COBLL1: variants seen among roughly 807,000 people sequenced by gnomAD.
COBLL1 encodes cordon-bleu protein-like 1.
A neutral mutation model predicts 94.8 loss-of-function variants in COBLL1; 50 were observed. The observed-to-expected ratio is 0.53, with a 90% CI of 0.42 to 0.67. The LOEUF is 0.67. Among genes scored for constraint, COBLL1 ranks in the 30% least tolerant of loss-of-function variants. The probability of loss-of-function intolerance (pLI) is 0.00; values close to 1 mark genes in which losing one functional copy is unlikely to be tolerated. For synonymous variants in COBLL1, 448 were observed against 473.8 expected (o/e 0.95, Z 0.71); for missense variants, 1,362 against 1,348.7 (o/e 1.01, Z -0.15).
chr2:164,721,908 C>T, intron 7 of COBLL1, 167 bp downstream of exon 7: 1 of 481,960 alleles, frequency 2.1e-6, no homozygotes, highest in East Asian at 3.2e-5. Flanking sequence ...TAGTACCAAT[C>T]TTAGAATGAG....
chr2:164,786,196 G>A (rs1480558963), intron 2 of COBLL1, among the ~76,000 whole-genome samples: 1 of 152,088 alleles, frequency 6.6e-6, no homozygotes, highest in African/African-American at 2.4e-5. Flanking sequence ...ACTCTGTTTG[G>A]AGTCTTTTCT....
intron 2 of COBLL1, among the ~76,000 whole-genome samples, chr2:164,797,518 C>A (rs1415164556): frequency 6.6e-6 from 1 of 152,100 alleles, no homozygotes; most frequent in Non-Finnish European, 1.5e-5. Flanking sequence ...AATATATCCA[C>A]CATTTTAATG....
At chr2:164,774,165 T>C (rs1451326101) in intron 2 of COBLL1, among the ~76,000 whole-genome samples, 1 of 152,120 alleles carries the variant, frequency 6.6e-6, no homozygotes, top group Non-Finnish European at 1.5e-5. Flanking sequence ...GATGATAGTT[T>C]GAAGAAAGCT....
At chr2:164,703,119 T>C (rs1425458781) in intron 9 of COBLL1, 8 of 1,611,934 alleles carry the variant, frequency 5.0e-6, no homozygotes, top group Non-Finnish European at 5.1e-6. Flanking sequence ...AATGATGTTA[T>C]GGCTGCCTCA....
At chr2:164,758,668 T>G (rs1687531707) in intron 2 of COBLL1, among the ~76,000 whole-genome samples, 1 of 152,074 alleles carries the variant, frequency 6.6e-6, no homozygotes. Context: ...ACAATTAAAT[T>G]TTTTTTAATG....
intron 2 of COBLL1, among the ~76,000 whole-genome samples, chr2:164,807,591 C>T (rs2105333258): frequency 6.6e-6 from 1 of 152,078 alleles, no homozygotes; most frequent in Admixed American, 6.5e-5. Context: ...TTCTCATTTT[C>T]CACTTTGATA....
chr2:164,749,564 G>A (rs137918852), intron 2 of COBLL1, among the ~76,000 whole-genome samples: 11 of 152,246 alleles, frequency 7.2e-5, no homozygotes, highest in African/African-American at 1.9e-4. Context: ...CGATTTCTCA[G>A]TTTCTCTGTC....
chr2:164,710,291 G>C (rs1010995311), intron 7 of COBLL1, among the ~76,000 whole-genome samples: 1 of 152,058 alleles, frequency 6.6e-6, no homozygotes, highest in Non-Finnish European at 1.5e-5. Flanking sequence ...GAAAAGAAGG[G>C]ACATTTAAGT....
chr2:164,809,216 G>T (rs1684339898), intron 2 of COBLL1, among the ~76,000 whole-genome samples: 1 of 152,034 alleles, frequency 6.6e-6, no homozygotes, highest in Admixed American at 6.5e-5. Flanking sequence ...ACAGTTGAAA[G>T]ATATGTGCAG....
At chr2:164,759,540 A>G (rs1687579604) in intron 2 of COBLL1, among the ~76,000 whole-genome samples, 1 of 152,152 alleles carries the variant, frequency 6.6e-6, no homozygotes, top group African/African-American at 2.4e-5. Context: ...TAGATTTAGT[A>G]TACATATATG....
Position 164,717,564 on chromosome 2 carries a change from A to G in COBLL1, c.996+4511T>C, listed in dbSNP as rs537587371. ...TTTTACTATTTTAAAATTCATTATTATTTTTTAAAGACACAGTCTCACCCT... is the reference window on the plus strand; with the variant it reads ...TTTTACTATTTTAAAATTCATTATTGTTTTTTAAAGACACAGTCTCACCCT... On this transcript the variant is annotated intron_variant, in intron 7 of 13. Coordinates refer to ENST00000652658, the MANE Select transcript of COBLL1 (RefSeq NM_001365672.2). 1.3e-3 allele frequency among the ~76,000 whole-genome samples: 197 copies of G among 152,186 alleles called. 1 individual carries two copies. The highest frequency in any genetic ancestry group is 4.5e-3 in the African/African-American group (185 of 41,520).
At chr2:164,799,876 T>A (rs2105315841) in intron 2 of COBLL1, among the ~76,000 whole-genome samples, 1 of 152,290 alleles carries the variant, frequency 6.6e-6, no homozygotes, top group East Asian at 1.9e-4. Flanking sequence ...AATAGTGGAA[T>A]AATTGGACTG....
At chr2:164,744,976 G>C (rs1489259616) in intron 2 of COBLL1, among the ~76,000 whole-genome samples, 1 of 152,066 alleles carries the variant, frequency 6.6e-6, no homozygotes, top group Non-Finnish European at 1.5e-5. Context: ...AAAACACTGT[G>C]AATTAAAGTT....
In COBLL1 at chr2:164,743,731, C is replaced by T. The variant is rs144073594; in HGVS notation, c.186G>A (p.Val62=). The change falls in exon 3 of 14, where the codon GTG becomes GTA. Residue 62 remains valine (V), a synonymous_variant. Transcript: ENST00000652658. ...ATTTGATAATATCCCCAGGTAGGAC[C>T]ACTGAGAGTTCAACGTCTTTATCTA... ...NMIDKDVELS[V]VLPGDIIKST... The T allele has an allele frequency of 1.9e-4, 299 of 1,613,590 alleles. 1 individual carries two copies. The African/African-American group carries it at 3.8e-3, about 21-fold the overall frequency.
intron 2 of COBLL1, among the ~76,000 whole-genome samples, chr2:164,779,101 G>C (rs975120097): frequency 6.6e-6 from 1 of 151,110 alleles, no homozygotes; most frequent in South Asian, 2.1e-4. Flanking sequence ...TCAATTGCTT[G>C]TTGTTGTTGT....
At chr2:164,765,481 A>C (rs1441216268) in intron 2 of COBLL1, among the ~76,000 whole-genome samples, 3 of 152,204 alleles carry the variant, frequency 2.0e-5, no homozygotes, top group Admixed American at 1.3e-4. Context: ...CTAATGCCAT[A>C]AAAGGTATTT....
intron 11 of COBLL1, 165 bp from the exon 12 acceptor site, chr2:164,696,001 C>T (rs1285339829): frequency 5.1e-6 from 3 of 590,004 alleles, no homozygotes; most frequent in Admixed American, 3.5e-5. Context: ...GAAAACAGTA[C>T]GTGCTTTGGA....
Position 164,694,280 on chromosome 2 carries a change from C to T in COBLL1, c.3112G>A (p.Val1038Met). The stretch of plus-strand genomic sequence containing the variant: ...AAGGCTACAGTTACCTTATCAGACA[C>T]ACCAAGCTGTGGGATGTCCACAAAT... ...NKFVDIPQLG[V>M]SDKENNSAHN... is the part of the protein sequence containing the mutation. The change falls in exon 12 of 14, where the codon GTG (valine) becomes ATG (methionine). Residue 1038 changes from valine to methionine, a missense_variant. Transcript: ENST00000652658. 6.2e-7 allele frequency: 1 copy of T among 1,613,210 alleles called. No individual in the cohort carries two copies. Among genetic ancestry groups the T allele is most frequent in the Non-Finnish European group, 8.5e-7 (1 of 1,179,482 alleles).
At chr2:164,746,803 T>C (rs182577641) in intron 2 of COBLL1, among the ~76,000 whole-genome samples, 23 of 152,140 alleles carry the variant, frequency 1.5e-4, no homozygotes, top group Admixed American at 8.5e-4. Flanking sequence ...TGCATTCCAA[T>C]CTCAGGACTC....
Sources: allele counts gnomAD v4.1 joint callset (sites outside exome capture counted in the v4.1 genomes callset), GRCh38; gene constraint gnomAD v4.1.1; transcripts MANE v1.5; gene names NCBI Gene and HGNC (gene_info 2026-07-23, HGNC 2026-07-21).